Variants in SIAH1 observed in about 807,000 individuals in gnomAD.
SIAH1 encodes E3 ubiquitin-protein ligase SIAH1.
A neutral mutation model predicts 20.0 loss-of-function variants in SIAH1; 2 were observed. That is an observed-to-expected ratio of 0.10 (90% CI 0.04 to 0.31). The LOEUF is 0.31. SIAH1 is among the 10% of genes least tolerant of loss of function. The pLI is 1.00. For missense variants in SIAH1, 119 were observed against 355.3 expected (o/e 0.33, Z 5.35); for synonymous variants, 118 against 125.3 (o/e 0.94, Z 0.39).
intron 1 of SIAH1, among the ~76,000 whole-genome samples, chr16:48,384,828 G>A (rs1961401549): frequency 6.7e-6 from 1 of 148,514 alleles, no homozygotes; most frequent in African/African-American, 2.4e-5. Flanking sequence ...AGGCCGGCAC[G>A]AGGGCGCGGG....
chr16:48,375,824 G>T (rs1024196914), intron 1 of SIAH1, among the ~76,000 whole-genome samples: 1 of 152,120 alleles, frequency 6.6e-6, no homozygotes, highest in South Asian at 2.1e-4. Flanking sequence ...GAAACTGGAA[G>T]GACATCCAAA....
intron 1 of SIAH1, among the ~76,000 whole-genome samples, chr16:48,372,540 T>C (rs1358778375): frequency 6.6e-6 from 1 of 152,208 alleles, no homozygotes; most frequent in Non-Finnish European, 1.5e-5. Flanking sequence ...ATGCCTCTAT[T>C]CATATTTATG....
chr16:48,376,045 G>A (rs1961101824), intron 1 of SIAH1, among the ~76,000 whole-genome samples: 1 of 152,160 alleles, frequency 6.6e-6, no homozygotes, highest in Non-Finnish European at 1.5e-5. Context: ...TGATAATCAT[G>A]AGAACTACAA....
rs1960559618 is a variant in SIAH1 at position 48,360,947 on chromosome 16, G to A, written c.*633C>T. The A allele has an allele frequency of 6.6e-6, 1 of 151,870 alleles. No homozygotes were observed. The highest frequency in any genetic ancestry group is 1.5e-5 in the Non-Finnish European group (1 of 68,008). The allele number at this position is 151,870 out of a possible 1,614,324, so 9.4% of individuals were successfully genotyped here. The stretch of plus-strand genomic sequence containing the variant: ...AATATTTCTAATGAACTGATTAATG[G>A]GGGAAAAGAAAATATTGAACACGTT... On this transcript the variant is annotated 3_prime_UTR_variant, in exon 2 of 2. Coordinates refer to ENST00000394725, the MANE Select transcript of SIAH1 (RefSeq NM_003031.4).
chr16:48,365,856 TGCGCTCCCTGAGCCA>T, intron 1 of SIAH1: 1 of 1,250,926 alleles, frequency 8.0e-7, no homozygotes, highest in Middle Eastern at 3.1e-4. Flanking sequence ...GAGAAGGAAG[TGCGCTCCCTGAGCCA>T]GCTCAAGAGT....
chr16:48,381,238 A>G (rs1407449617), intron 1 of SIAH1, among the ~76,000 whole-genome samples: 1 of 152,092 alleles, frequency 6.6e-6, no homozygotes, highest in African/African-American at 2.4e-5. Flanking sequence ...CCAGCTACTC[A>G]GGAGACTGAG....
In SIAH1 at chr16:48,362,554, AG is replaced by A; in HGVS notation, c.-2-125del. 3 of 916,478 alleles carry A rather than the reference AG, an allele frequency of 3.3e-6. No homozygotes were observed. The highest frequency in any genetic ancestry group is 5.6e-5 in the Admixed American group (2 of 35,634). The allele number at this position is 916,478 out of a possible 1,614,324, so 56.8% of individuals were successfully genotyped here. A position where few individuals can be genotyped will look rare whatever the true frequency, so the allele number is the denominator to read the frequency against. On this transcript the variant is annotated intron_variant, in intron 1 of 1. Coordinates refer to ENST00000394725, the MANE Select transcript of SIAH1 (RefSeq NM_003031.4). The surrounding 1 kb of genome is among the most constrained non-coding windows in gnomAD (Gnocchi z 4.2). ...ACAAAATTTACTGAGCAAAAGAGGAAGAAAAATAGGATTAAAAAAGATATTA... is the reference window on the plus strand; with the variant it reads ...ACAAAATTTACTGAGCAAAAGAGGAAAAAAATAGGATTAAAAAAGATATTA...
chr16:48,385,558 C>A (rs1018144710), upstream of SIAH1: 2 of 151,696 alleles, frequency 1.3e-5, no homozygotes, highest in African/African-American at 4.8e-5. Context: ...CGGCGGCCTC[C>A]GCGGGCGTAG....
chr16:48,380,940 A>AAAAAAAAAAAAAAAAAAAAAAAC (rs1961266871), intron 1 of SIAH1, among the ~76,000 whole-genome samples: 2 of 149,878 alleles, frequency 1.3e-5, no homozygotes, highest in Non-Finnish European at 3.0e-5. Context: ...AAAAAAAAAA[A>AAAAAAAAAAAAAAAAAAAAAAAC]AAAAAGAACG....
At chr16:48,373,810 G>A (rs1961039910) in intron 1 of SIAH1, among the ~76,000 whole-genome samples, 2 of 152,184 alleles carry the variant, frequency 1.3e-5, no homozygotes, top group South Asian at 4.1e-4. Flanking sequence ...TATGTATAAG[G>A]ATACAGTATG....
chr16:48,379,483 A>G (rs1961204645), intron 1 of SIAH1, among the ~76,000 whole-genome samples: 1 of 152,224 alleles, frequency 6.6e-6, no homozygotes, highest in African/African-American at 2.4e-5. Flanking sequence ...GAAGTTTGTA[A>G]GAAACACTAT....
intron 1 of SIAH1, chr16:48,365,455 G>A (rs1960795787): frequency 1.9e-6 from 3 of 1,613,760 alleles, no homozygotes; most frequent in Non-Finnish European, 1.7e-6. Context: ...GTACAGAGAA[G>A]GTGGAGTAGC....
intron 1 of SIAH1, among the ~76,000 whole-genome samples, chr16:48,378,639 C>T (rs1276970437): frequency 6.6e-6 from 1 of 152,188 alleles, no homozygotes; most frequent in Non-Finnish European, 1.5e-5. Context: ...CCTAATATTG[C>T]TCTAGGTATT....
In SIAH1 at chr16:48,368,642, G is replaced by A. The variant is rs1042477746; in HGVS notation, c.-2-6212C>T. Among the ~76,000 whole-genome samples, 4 of 152,110 alleles carry A rather than the reference G, an allele frequency of 2.6e-5. No individual in the cohort carries two copies. In the South Asian group the frequency reaches 6.2e-4, roughly 24 times the overall value. ...GAACCTGGGAGGCGGAGGCTGCAGT[G>A]AGCCAAGATCGACTTGAACCCAGGA... is the stretch of plus-strand genomic sequence containing the variant. On this transcript the variant is annotated intron_variant, in intron 1 of 1. Transcript: ENST00000394725.
At chr16:48,378,992 C>T (rs1213520224) in intron 1 of SIAH1, among the ~76,000 whole-genome samples, 1 of 152,194 alleles carries the variant, frequency 6.6e-6, no homozygotes, top group Non-Finnish European at 1.5e-5. Context: ...TCTTTCCTCA[C>T]TAGAAGGTAA....
chr16:48,361,234 G>C lies in SIAH1; in HGVS notation c.*346C>G, dbSNP rs55791428. 7.7e-3 allele frequency: 2,007 copies of C among 261,990 alleles called. 43 individuals are homozygous for C. Among genetic ancestry groups the C allele is most frequent in the African/African-American group, 0.042 (1,870 of 44,090 alleles). 16.2% of individuals were successfully genotyped at this position (261,990 alleles called of 1,614,324 possible). ...ACCCAAACACGCACACACCCACGCA[G>C]GCACACACTCCCACGCAAAAACAAA... On this transcript the variant is annotated 3_prime_UTR_variant, in exon 2 of 2. Transcript: ENST00000394725.
chr16:48,370,555 G>A (rs888547086), intron 1 of SIAH1, among the ~76,000 whole-genome samples: 7 of 151,926 alleles, frequency 4.6e-5, no homozygotes, highest in Non-Finnish European at 8.8e-5. Context: ...GCGGTGGCTC[G>A]TGCCTGTAAT....
At position 48,374,182 on chromosome 16, in the gene SIAH1, G is replaced by A. The variant is rs184253774; in HGVS notation, c.-3+11022C>T. On this transcript the variant is annotated intron_variant, in intron 1 of 1. Transcript: ENST00000394725. The stretch of plus-strand genomic sequence containing the variant: ...TTATTTTTTATTTGTTGTTATAGGC[G>A]CCCACTGTCCTCAATTGGAAGGTAG... 3.0e-3 allele frequency among the ~76,000 whole-genome samples: 455 copies of A among 152,190 alleles called. 2 individuals are homozygous for A. Among genetic ancestry groups the A allele is most frequent in the African/African-American group, 0.011 (439 of 41,512 alleles).
intron 1 of SIAH1, among the ~76,000 whole-genome samples, chr16:48,377,452 A>C (rs2151053036): frequency 6.8e-6 from 1 of 146,278 alleles, no homozygotes; most frequent in East Asian, 2.0e-4. Flanking sequence ...GTGCAGTGGC[A>C]CCATCTCGGC....
Sources: gnomAD v4.1 joint callset for allele counts (sites outside exome capture counted in the v4.1 genomes callset) on GRCh38, gnomAD v4.1.1 for gene constraint, Gnocchi (gnomAD v3.1) non-coding constraint, MANE v1.5 for transcripts, NCBI Gene and HGNC (gene_info 2026-07-23, HGNC 2026-07-21) for gene names.